Variants in CDH13 observed in about 807,000 individuals in gnomAD.
The protein encoded by CDH13 is cadherin 13, also known as cadherin-13.
Under a neutral mutation model 63.8 loss-of-function variants are expected in CDH13, and 24 were observed. The ratio of observed to expected loss-of-function variants is 0.38; its 90% CI spans 0.27 to 0.53. The LOEUF (loss-of-function observed/expected upper bound fraction) is 0.53. Ranked by LOEUF, CDH13 falls within the 20% of genes least tolerant of loss-of-function variation. The pLI, the probability that CDH13 is intolerant of heterozygous loss-of-function variation, is 0.85. For missense variants in CDH13, 1,049 were observed against 903.1 expected, an observed-to-expected ratio of 1.16 and a Z score of -2.07; for synonymous variants, 503 against 355.3, an observed-to-expected ratio of 1.42 and a Z score of -4.67.
intron 8 of CDH13, among the ~76,000 whole-genome samples, chr16:83,632,202 T>C (rs1704886287): frequency 6.6e-6 from 1 of 151,498 alleles, no homozygotes; most frequent in Non-Finnish European, 1.5e-5. Context: ...CTGTTTTTAT[T>C]TCCCTGAATC....
chr16:83,040,726 G>T (rs900208955), intron 3 of CDH13, among the ~76,000 whole-genome samples: 3 of 152,128 alleles, frequency 2.0e-5, no homozygotes, highest in African/African-American at 7.2e-5. Context: ...ACAATATTTT[G>T]CATCCTTCAA....
At chr16:83,681,712 A>T (rs560739961) in intron 10 of CDH13, among the ~76,000 whole-genome samples, 28 of 152,200 alleles carry the variant, frequency 1.8e-4, no homozygotes, top group African/African-American at 6.0e-4. Context: ...CTCATTAATT[A>T]TTTGCAGCCT....
At chr16:82,927,975 T>C (rs559289499) in intron 2 of CDH13, among the ~76,000 whole-genome samples, 1 of 152,332 alleles carries the variant, frequency 6.6e-6, no homozygotes, top group East Asian at 1.9e-4. Context: ...TATATGGTTC[T>C]AATAATAATT....
chr16:83,300,240 T>A (rs1268689898), intron 5 of CDH13, among the ~76,000 whole-genome samples: 1 of 152,016 alleles, frequency 6.6e-6, no homozygotes, highest in African/African-American at 2.4e-5. Flanking sequence ...ACTTAGAAAA[T>A]GAGATTTTGT....
intron 7 of CDH13, among the ~76,000 whole-genome samples, chr16:83,562,335 G>C (rs1598293623): frequency 6.6e-6 from 1 of 151,206 alleles, no homozygotes; most frequent in East Asian, 1.9e-4. Flanking sequence ...TACCAGAATA[G>C]AAAAAAAAAT....
chr16:83,648,280 C>G (rs545022756), intron 8 of CDH13, among the ~76,000 whole-genome samples: 1 of 152,248 alleles, frequency 6.6e-6, no homozygotes, highest in South Asian at 2.1e-4. Context: ...AGTGGGTGGT[C>G]TCGAGGCAGA....
chr16:83,619,092 C>G (rs1010824483), intron 8 of CDH13, among the ~76,000 whole-genome samples: 2 of 152,240 alleles, frequency 1.3e-5, no homozygotes, highest in African/African-American at 4.8e-5. Context: ...GTTTGTGTAT[C>G]ACACGTGATA....
Position 82,908,930 on chromosome 16 carries a change from A to T in CDH13, c.157+50457A>T, listed in dbSNP as rs569068956. ...TTCATAAGATATAAAACCTGCATAT[A>T]AGGAGGGTCACTTTTTCATACACAA... On this transcript the variant is annotated intron_variant, in intron 2 of 13. Coordinates refer to ENST00000567109, the MANE Select transcript of CDH13 (RefSeq NM_001257.5). 1.1e-4 allele frequency among the ~76,000 whole-genome samples: 16 copies of T among 152,282 alleles called. 1 individual carries two copies. In the South Asian group the frequency reaches 3.3e-3, roughly 32 times the overall value.
intron 6 of CDH13, among the ~76,000 whole-genome samples, chr16:83,400,332 A>G (rs569241100): frequency 1.3e-5 from 2 of 152,284 alleles, no homozygotes; most frequent in African/African-American, 4.8e-5. Context: ...TGGTGCTCTG[A>G]TGCAGGAAGT....
intron 1 of CDH13, among the ~76,000 whole-genome samples, chr16:82,698,974 C>T (rs991643852): frequency 9.9e-5 from 15 of 152,108 alleles, no homozygotes; most frequent in Non-Finnish European, 2.1e-4. Context: ...ATATTCTTAG[C>T]TTCCAGGCTG....
intron 5 of CDH13, among the ~76,000 whole-genome samples, chr16:83,267,266 C>T (rs769508661): frequency 3.3e-5 from 5 of 152,160 alleles, no homozygotes; most frequent in Admixed American, 2.0e-4. Flanking sequence ...ATGGTTAATT[C>T]CCCACCTCCG....
At chr16:83,248,416 C>G (rs751859145) in intron 5 of CDH13, among the ~76,000 whole-genome samples, 1 of 152,052 alleles carries the variant, frequency 6.6e-6, no homozygotes, top group Non-Finnish European at 1.5e-5. Context: ...TCAGCAGCCG[C>G]AAATCAGCAG....
intron 5 of CDH13, among the ~76,000 whole-genome samples, chr16:83,264,086 TATC>T (rs928439307): frequency 6.6e-6 from 1 of 152,222 alleles, no homozygotes; most frequent in African/African-American, 2.4e-5. Flanking sequence ...ATACTGCCAT[TATC>T]ATAAGTTGGA....
intron 5 of CDH13, among the ~76,000 whole-genome samples, chr16:83,296,900 G>A (rs1416956384): frequency 2.6e-5 from 4 of 152,292 alleles, no homozygotes; most frequent in Admixed American, 2.0e-4. Flanking sequence ...TTTCATGATG[G>A]ATTGGCATAT....
intron 4 of CDH13, among the ~76,000 whole-genome samples, chr16:83,211,342 T>G (rs1370733705): frequency 6.6e-6 from 1 of 152,148 alleles, no homozygotes; most frequent in Admixed American, 6.5e-5. Context: ...AATAGTTCTG[T>G]AAATCTAAAA....
chr16:83,065,437 G>A (rs2031925725), intron 3 of CDH13, among the ~76,000 whole-genome samples: 1 of 152,124 alleles, frequency 6.6e-6, no homozygotes, highest in South Asian at 2.1e-4. Context: ...GGGCGTGGTG[G>A]CTCGTGCCTG....
At chr16:83,306,297 C>T (rs780110870) in intron 5 of CDH13, among the ~76,000 whole-genome samples, 1 of 152,120 alleles carries the variant, frequency 6.6e-6, no homozygotes, top group Non-Finnish European at 1.5e-5. Flanking sequence ...GAAATTGGAT[C>T]CCCAGTGTGG....
At chr16:83,704,497 T>C (rs1392156567) in intron 10 of CDH13, among the ~76,000 whole-genome samples, 1 of 152,120 alleles carries the variant, frequency 6.6e-6, no homozygotes, top group Non-Finnish European at 1.5e-5. Context: ...TAACCAAATC[T>C]GTATCTCAGA....
chr16:83,240,717 CTTTTTTTTT>C (rs56753707), intron 5 of CDH13, among the ~76,000 whole-genome samples: 1 of 81,658 alleles, frequency 1.2e-5, no homozygotes, highest in Admixed American at 1.9e-4. Flanking sequence ...CTGTCTTAAT[CTTTTTTTTT>C]TTTTTTTTTT....
Sources: gnomAD v4.1 joint callset for allele counts (sites outside exome capture counted in the v4.1 genomes callset) on GRCh38, gnomAD v4.1.1 for gene constraint, MANE v1.5 for transcripts, NCBI Gene and HGNC (gene_info 2026-07-23, HGNC 2026-07-21) for gene names.